Variants in SRR observed in about 807,000 individuals in gnomAD.
The protein encoded by SRR is serine racemase, also known as D-serine ammonia-lyase.
Under a neutral mutation model 32.7 loss-of-function variants are expected in SRR, and 19 were observed. That is an observed-to-expected ratio of 0.58 (90% CI 0.40 to 0.85). The LOEUF is 0.85. Ranked by LOEUF, SRR falls within the 40% of genes least tolerant of loss-of-function variation. The pLI, the probability that SRR is intolerant of heterozygous loss-of-function variation, is 0.00. For synonymous variants in SRR, 142 were observed against 140.9 expected (o/e 1.01, Z -0.06); for missense variants, 373 against 404.7 (o/e 0.92, Z 0.67).
rs192949549 is a variant in SRR, at chr17:2,325,145, A to G, written c.*1272A>G. On this transcript the variant is annotated 3_prime_UTR_variant, in exon 8 of 8. Transcript: ENST00000344595. ...GTTTCACGTAAAAGTTGGAGTTTTC[A>G]TTGTTCTATTAACAATGTTAAATGA... The G allele has an allele frequency of 4.5e-5, 29 of 642,842 alleles. No homozygotes were observed. The highest frequency in any genetic ancestry group is 7.2e-5 in the African/African-American group (4 of 55,242). 39.8% of individuals were successfully genotyped at this position (642,842 alleles called of 1,614,324 possible).
At chr17:2,308,819 C>CA (rs1457036162) in intron 1 of SRR, among the ~76,000 whole-genome samples, 3 of 151,530 alleles carry the variant, frequency 2.0e-5, no homozygotes, top group Non-Finnish European at 4.4e-5. Context: ...GACTCCATCT[C>CA]AAAAAAATAA....
intron 1 of SRR, among the ~76,000 whole-genome samples, chr17:2,313,285 C>T (rs2075446017): frequency 6.6e-6 from 1 of 151,834 alleles, no homozygotes; most frequent in African/African-American, 2.4e-5. Flanking sequence ...AAAAAATTAG[C>T]TGGGTGTGGT....
intron 3 of SRR, 97 bp downstream of exon 3, chr17:2,318,093 T>C: frequency 4.5e-6 from 6 of 1,347,236 alleles, no homozygotes; most frequent in Non-Finnish European, 5.9e-6. Flanking sequence ...GGAAGTAACT[T>C]TCCAAAGAAA....
At chr17:2,304,963 C>T (rs2075373815) in intron 1 of SRR, among the ~76,000 whole-genome samples, 1 of 152,146 alleles carries the variant, frequency 6.6e-6, no homozygotes, top group Non-Finnish European at 1.5e-5. Context: ...CCACCTGTTG[C>T]CCCTCCACAG....
upstream of SRR, chr17:2,303,933 GC>G: frequency 4.8e-6 from 2 of 414,946 alleles, no homozygotes; most frequent in Non-Finnish European, 8.5e-6. Context: ...CCTGGGTGGG[GC>G]GGGCGGGCGC....
chr17:2,307,821 C>A, intron 1 of SRR: 3 of 684,634 alleles, frequency 4.4e-6, no homozygotes, highest in Non-Finnish European at 8.0e-6. Flanking sequence ...GGTGGCAGGG[C>A]CTAGCTGCTA....
At chr17:2,315,346 A>G (rs2075464903) in intron 1 of SRR, 1 of 430,466 alleles carries the variant, frequency 2.3e-6, no homozygotes, top group Non-Finnish European at 4.0e-6. Flanking sequence ...TGTAATCACC[A>G]TCAGTTACTT....
intron 6 of SRR, chr17:2,322,804 C>T: frequency 3.1e-6 from 1 of 318,984 alleles, no homozygotes; most frequent in Non-Finnish European, 6.1e-6. Context: ...GCGTGAGCCA[C>T]TGCGCCCCAC....
chr17:2,323,680 G>A lies in SRR; in HGVS notation c.830G>A (p.Arg277Lys), dbSNP rs756486270. ...IKCATQLVWERMKLLIEPTAG... is the reference protein window; with the variant it reads ...IKCATQLVWEKMKLLIEPTAG... ...TGTGCAACCCAGCTGGTGTGGGAGAGGATGAAACTACTCATTGAACCTACA... is the reference window on the plus strand; with the variant it reads ...TGTGCAACCCAGCTGGTGTGGGAGAAGATGAAACTACTCATTGAACCTACA... Residue 277 changes from arginine (R) to lysine (K), a missense_variant, in exon 8 of 8, where the codon AGG becomes AAG. Transcript: ENST00000344595. 3.7e-6 allele frequency: 6 copies of A among 1,614,038 alleles called. No homozygotes were observed. Among genetic ancestry groups the A allele is most frequent in the South Asian group, 3.3e-5 (3 of 91,074 alleles).
chr17:2,317,961 A>G lies in SRR; in HGVS notation c.260A>G (p.His87Arg). The G allele has an allele frequency of 6.2e-7, 1 of 1,614,022 alleles. No homozygotes were observed. Among genetic ancestry groups the G allele is most frequent in the Non-Finnish European group, 8.5e-7 (1 of 1,179,938 alleles). ...KAVVTHSSGN[H>R]GQALTYAAKL... ...GTTGTTACTCACAGCAGTGGAAACC[A>G]TGGCCAGGCTCTCACCTATGCTGCC... The change falls in exon 3 of 8, where the codon CAT becomes CGT. Residue 87 changes from histidine to arginine, a missense_variant. Physicochemically the swap from His to Arg is conservative, Grantham distance 29. Transcript: ENST00000344595.
chr17:2,305,439 A>G (rs2075380731), intron 1 of SRR, among the ~76,000 whole-genome samples: 1 of 152,200 alleles, frequency 6.6e-6, no homozygotes, highest in South Asian at 2.1e-4. Context: ...AGGAAAAGGT[A>G]ATAGATAAAA....
At position 2,322,956 on chromosome 17, in the gene SRR, C is replaced by A; in HGVS notation, c.595-180C>A. On this transcript the variant is annotated intron_variant, in intron 6 of 7. Coordinates refer to ENST00000344595, the MANE Select transcript of SRR (RefSeq NM_021947.3). ...ATTTTCCTATTTTTAGTTGACACTG[C>A]ATTTCACCAGGTTGGCCAGGCTGGT... is the stretch of plus-strand genomic sequence containing the variant. 5.1e-6 allele frequency: 3 copies of A among 592,352 alleles called. No individual in the cohort carries two copies. The South Asian group carries it at 6.0e-5, about 12-fold the overall frequency. The allele number at this position is 592,352 out of a possible 1,614,324, so 36.7% of individuals were successfully genotyped here.
chr17:2,324,721 A>G lies in SRR; in HGVS notation c.*848A>G, dbSNP rs766174201. On this transcript the variant is annotated 3_prime_UTR_variant, in exon 8 of 8. Coordinates refer to ENST00000344595, the MANE Select transcript of SRR (RefSeq NM_021947.3). Reference sequence around the variant, plus strand: ...GAAGAACATGTAACGTACTACTGCCATCTTAGTAAAAATTTTGAAAGGATG... The same window carrying G: ...GAAGAACATGTAACGTACTACTGCCGTCTTAGTAAAAATTTTGAAAGGATG... 4 of 1,614,182 alleles carry G rather than the reference A, an allele frequency of 2.5e-6. No individual in the cohort carries two copies. Among genetic ancestry groups the G allele is most frequent in the Non-Finnish European group, 2.5e-6 (3 of 1,180,024 alleles).
At chr17:2,319,000 C>G in intron 4 of SRR, 71 bp downstream of exon 4, 7 of 1,062,036 alleles carry the variant, frequency 6.6e-6, no homozygotes, top group Non-Finnish European at 8.7e-6. Context: ...ACCTTACTGG[C>G]TGCTCCTTCT....
At chr17:2,306,784 G>C in intron 1 of SRR, 1 of 693,174 alleles carries the variant, frequency 1.4e-6, no homozygotes, top group Non-Finnish European at 2.6e-6. Context: ...GTCTCCTAAA[G>C]AGCTCGTACA....
chr17:2,318,136 G>T (rs929505436), intron 3 of SRR, 140 bp downstream of exon 3: 2 of 925,378 alleles, frequency 2.2e-6, no homozygotes, highest in Non-Finnish European at 3.0e-6. Context: ...ATGAACATAA[G>T]TTTTTTTTTT....
chr17:2,316,898 T>TTG (rs1491075637), intron 2 of SRR, among the ~76,000 whole-genome samples: 1 of 142,818 alleles, frequency 7.0e-6, no homozygotes, highest in Admixed American at 6.9e-5. Flanking sequence ...TTTTTTTTTT[T>TTG]GAATTTTTAG....
intron 4 of SRR, among the ~76,000 whole-genome samples, chr17:2,319,827 T>A (rs1232314869): frequency 6.6e-6 from 1 of 150,830 alleles, no homozygotes; most frequent in East Asian, 1.9e-4. Context: ...TCTTCTTTTT[T>A]TTTTTTTTTG....
intron 2 of SRR, among the ~76,000 whole-genome samples, chr17:2,316,793 A>T (rs1453906468): frequency 1.3e-5 from 2 of 151,760 alleles, no homozygotes; most frequent in Non-Finnish European, 2.9e-5. Context: ...GCTCACTGTA[A>T]GCTCCACCTC....
Sources: gnomAD v4.1 joint callset for allele counts (sites outside exome capture counted in the v4.1 genomes callset) on GRCh38, gnomAD v4.1.1 for gene constraint, MANE v1.5 for transcripts, NCBI Gene and HGNC (gene_info 2026-07-23, HGNC 2026-07-21) for gene names.